Variants in GSG1L observed in about 807,000 individuals in gnomAD.
The protein encoded by GSG1L is GSG1 like, also known as germ cell-specific gene 1-like protein.
A neutral mutation model predicts 42.1 loss-of-function variants in GSG1L; 24 were observed. That is an observed-to-expected ratio of 0.57 (90% confidence interval 0.41 to 0.80). GSG1L has a LOEUF of 0.80. Among genes scored for constraint, GSG1L ranks in the 30% least tolerant of loss-of-function variants. The pLI, the probability that GSG1L is intolerant of heterozygous loss-of-function variation, is 0.00. For missense variants in GSG1L, 445 were observed against 472.2 expected (o/e 0.94, Z 0.53); for synonymous variants, 215 against 203.5 (o/e 1.06, Z -0.48).
At chr16:28,043,171 C>G (rs2086126307) in intron 1 of GSG1L, among the ~76,000 whole-genome samples, 1 of 152,180 alleles carries the variant, frequency 6.6e-6, no homozygotes. Context: ...GGAACTGGAA[C>G]TAGGGCCTAG....
chr16:27,934,688 C>T (rs997441856), intron 2 of GSG1L, among the ~76,000 whole-genome samples: 1 of 152,220 alleles, frequency 6.6e-6, no homozygotes, highest in African/African-American at 2.4e-5. Context: ...TGCAGCGGCC[C>T]TGGGTTCAAA....
At chr16:27,967,379 T>C (rs1255910791) in intron 1 of GSG1L, among the ~76,000 whole-genome samples, 1 of 152,192 alleles carries the variant, frequency 6.6e-6, no homozygotes, top group East Asian at 1.9e-4. Context: ...TTTATGTCAC[T>C]CCTTCCAAAG....
intron 5 of GSG1L, among the ~76,000 whole-genome samples, chr16:27,816,088 C>T (rs1201059889): frequency 6.6e-6 from 1 of 152,210 alleles, no homozygotes; most frequent in African/African-American, 2.4e-5. Flanking sequence ...GTCATCCTTA[C>T]CTCTGCGGTC....
chr16:28,036,913 C>T (rs569508155), intron 1 of GSG1L, among the ~76,000 whole-genome samples: 13 of 152,332 alleles, frequency 8.5e-5, no homozygotes, highest in East Asian at 1.9e-4. Context: ...TTTCTGTAGC[C>T]GGAAACTACG....
chr16:27,793,188 T>C (rs971915559), intron 6 of GSG1L, among the ~76,000 whole-genome samples: 3 of 152,166 alleles, frequency 2.0e-5, no homozygotes, highest in Non-Finnish European at 2.9e-5. Flanking sequence ...GCAGCTCTCA[T>C]TATCAGGAGA....
chr16:27,982,715 C>G (rs1465695500), intron 1 of GSG1L, among the ~76,000 whole-genome samples: 2 of 152,158 alleles, frequency 1.3e-5, no homozygotes, highest in African/African-American at 4.8e-5. Flanking sequence ...GAAGCTTTTA[C>G]TCATGTTGGA....
chr16:27,875,408 A>G (rs1398782624), intron 3 of GSG1L, among the ~76,000 whole-genome samples: 1 of 151,654 alleles, frequency 6.6e-6, no homozygotes, highest in Non-Finnish European at 1.5e-5. Flanking sequence ...CCACTCTCCC[A>G]CCGTACTTGC....
At chr16:27,963,135 C>A (rs141295182) in intron 2 of GSG1L, 21 bp downstream of exon 2, 4 of 1,608,498 alleles carry the variant, frequency 2.5e-6, no homozygotes, top group East Asian at 4.5e-5. Context: ...GCTGCCACAG[C>A]TCAGCTGGGG....
intron 2 of GSG1L, among the ~76,000 whole-genome samples, chr16:27,958,930 C>T (rs1426709591): frequency 6.6e-6 from 1 of 151,886 alleles, no homozygotes; most frequent in Admixed American, 6.6e-5. Context: ...CCGCCTTGTA[C>T]TCCCAAAGTG....
At chr16:27,822,616 G>C (rs1227474437) in intron 5 of GSG1L, among the ~76,000 whole-genome samples, 2 of 152,070 alleles carry the variant, frequency 1.3e-5, no homozygotes, top group African/African-American at 4.8e-5. Context: ...ACAGGGTCTT[G>C]CTATGTTGCC....
At chr16:27,848,791 A>T (rs533453886) in intron 3 of GSG1L, among the ~76,000 whole-genome samples, 1 of 152,100 alleles carries the variant, frequency 6.6e-6, no homozygotes, top group Admixed American at 6.5e-5. Flanking sequence ...TGGAATGAGG[A>T]GCTGAGGGCA....
chr16:27,999,202 G>A (rs951114943), intron 1 of GSG1L, among the ~76,000 whole-genome samples: 5 of 152,160 alleles, frequency 3.3e-5, no homozygotes, highest in Non-Finnish European at 7.3e-5. Flanking sequence ...CAGAACTTTG[G>A]GAGGCCAAGG....
intron 2 of GSG1L, among the ~76,000 whole-genome samples, chr16:27,947,864 C>A (rs2084902410): frequency 6.6e-6 from 1 of 152,126 alleles, no homozygotes; most frequent in Admixed American, 6.5e-5. Flanking sequence ...TCTCGGAGCC[C>A]TTTGCACTCT....
chr16:27,793,783 G>T (rs1303403045), intron 6 of GSG1L, among the ~76,000 whole-genome samples: 1 of 152,172 alleles, frequency 6.6e-6, no homozygotes, highest in East Asian at 1.9e-4. Flanking sequence ...AGGCACTTGG[G>T]GCTCAGAGCC....
chr16:27,948,764 C>T (rs557818062), intron 2 of GSG1L, among the ~76,000 whole-genome samples: 93 of 151,626 alleles, frequency 6.1e-4, no homozygotes, highest in African/African-American at 2.0e-3. Context: ...CGCCCGCCAC[C>T]GCACCCGGCT....
At chr16:27,925,458 C>A (rs2084580315) in intron 2 of GSG1L, among the ~76,000 whole-genome samples, 1 of 152,086 alleles carries the variant, frequency 6.6e-6, no homozygotes, top group South Asian at 2.1e-4. Context: ...TAAATGCTGA[C>A]TGAGAAAGAG....
intron 1 of GSG1L, among the ~76,000 whole-genome samples, chr16:28,031,704 A>T (rs982377408): frequency 2.0e-5 from 3 of 152,188 alleles, no homozygotes; most frequent in African/African-American, 7.2e-5. Context: ...GCTGAGAGAC[A>T]GGCTCAGTTC....
intron 3 of GSG1L, among the ~76,000 whole-genome samples, chr16:27,859,916 G>A (rs1410805861): frequency 6.6e-6 from 1 of 151,608 alleles, no homozygotes; most frequent in South Asian, 2.1e-4. Flanking sequence ...TCTTGGCCTC[G>A]AGCAGCTCTC....
chr16:27,859,834 C>G (rs1755207148), intron 3 of GSG1L, among the ~76,000 whole-genome samples: 1 of 151,864 alleles, frequency 6.6e-6, no homozygotes, highest in South Asian at 2.1e-4. Flanking sequence ...CACCACCATG[C>G]CCAGCTATTT....
Sources: gnomAD v4.1 joint callset for allele counts (sites outside exome capture counted in the v4.1 genomes callset) on GRCh38, gnomAD v4.1.1 for gene constraint, MANE v1.5 for transcripts, NCBI Gene and HGNC (gene_info 2026-07-23, HGNC 2026-07-21) for gene names.